CDH10: variants seen among roughly 807,000 people sequenced by gnomAD.
CDH10 encodes the protein cadherin 10, also known as cadherin-10.
A neutral mutation model predicts 73.1 loss-of-function variants in CDH10; 30 were observed. That is an observed-to-expected ratio of 0.41 (90% CI 0.31 to 0.56). The LOEUF is 0.56. Ranked by LOEUF, CDH10 falls within the 20% of genes least tolerant of loss-of-function variation. CDH10 has a pLI of 0.27. For synonymous variants in CDH10, 345 were observed against 348.2 expected, an observed-to-expected ratio of 0.99 and a Z score of 0.10; for missense variants, 815 against 973.7, an observed-to-expected ratio of 0.84 and a Z score of 2.17.
intron 1 of CDH10, among the ~76,000 whole-genome samples, chr5:24,596,031 T>C (rs1746358776): frequency 6.6e-6 from 1 of 152,080 alleles, no homozygotes; most frequent in Middle Eastern, 3.4e-3. Context: ...AATTAGAAAG[T>C]ATATAAAATA....
rs1312404201 is a variant in CDH10, at chr5:24,644,910, G to C, written c.-440C>G. On this transcript the variant is annotated 5_prime_UTR_variant, in exon 1 of 12. Transcript: ENST00000264463. The stretch of plus-strand genomic sequence containing the variant: ...GAAAGGTTCTGCTGATAGAGCTGCA[G>C]CACTCGCCATGGGAAGGTTAGAGAC... The C allele has an allele frequency of 6.6e-6, 1 of 152,026 alleles. No homozygotes were observed. Among genetic ancestry groups the C allele is most frequent in the East Asian group, 1.9e-4 (1 of 5,170 alleles). 9.4% of individuals were successfully genotyped at this position (152,026 alleles called of 1,614,324 possible).
chr5:24,595,627 A>G (rs4701246), intron 1 of CDH10, among the ~76,000 whole-genome samples: 143,669 of 151,944 alleles, frequency 0.95, 68,076 homozygotes, highest in East Asian at 1. Flanking sequence ...TGTGCCAGAC[A>G]GTATTCTCCA....
chr5:24,514,867 G>A (rs6452211), intron 5 of CDH10, among the ~76,000 whole-genome samples: 72,165 of 151,168 alleles, frequency 0.48, 17,240 homozygotes, highest in East Asian at 0.58. Flanking sequence ...ATATATGGAT[G>A]GTTAGATTGA....
chr5:24,491,035 T>C (rs1409575320), intron 11 of CDH10, among the ~76,000 whole-genome samples: 2 of 152,182 alleles, frequency 1.3e-5, no homozygotes, highest in Non-Finnish European at 1.5e-5. Flanking sequence ...TGGAGGATGT[T>C]TCAGAAGAAC....
At chr5:24,523,773 T>C (rs553580833) in intron 5 of CDH10, among the ~76,000 whole-genome samples, 13 of 152,296 alleles carry the variant, frequency 8.5e-5, no homozygotes, top group South Asian at 4.1e-4. Flanking sequence ...GTGTATTTCA[T>C]GTTTATGAGA....
At chr5:24,525,461 T>G (rs1345493780) in intron 5 of CDH10, among the ~76,000 whole-genome samples, 1 of 152,100 alleles carries the variant, frequency 6.6e-6, no homozygotes, top group African/African-American at 2.4e-5. Flanking sequence ...TTAAGAAAAA[T>G]GTCATAATTA....
intron 5 of CDH10, among the ~76,000 whole-genome samples, chr5:24,518,468 T>G (rs538269443): frequency 6.6e-6 from 1 of 152,114 alleles, no homozygotes; most frequent in Non-Finnish European, 1.5e-5. Context: ...TGCATATACA[T>G]AAATACACGT....
intron 2 of CDH10, among the ~76,000 whole-genome samples, chr5:24,539,228 C>T (rs1744068617): frequency 6.6e-6 from 1 of 151,850 alleles, no homozygotes; most frequent in South Asian, 2.1e-4. Context: ...AAATAAGTTT[C>T]ATTTTTGCTC....
chr5:24,539,877 A>C (rs911684277), intron 2 of CDH10, among the ~76,000 whole-genome samples: 2 of 152,094 alleles, frequency 1.3e-5, no homozygotes, highest in African/African-American at 4.8e-5. Context: ...GCAATTTTCC[A>C]AGTTACAGAT....
At chr5:24,582,352 G>A (rs1197903454) in intron 2 of CDH10, among the ~76,000 whole-genome samples, 1 of 152,116 alleles carries the variant, frequency 6.6e-6, no homozygotes. Flanking sequence ...CTATGATTAT[G>A]CTTAAATTTC....
At chr5:24,613,796 G>A (rs774333652) in intron 1 of CDH10, among the ~76,000 whole-genome samples, 3 of 151,932 alleles carry the variant, frequency 2.0e-5, no homozygotes, top group Non-Finnish European at 2.9e-5. Flanking sequence ...GGGCTTTTTC[G>A]AACTGGGTAT....
At chr5:24,516,997 A>T (rs1743133569) in intron 5 of CDH10, among the ~76,000 whole-genome samples, 1 of 152,106 alleles carries the variant, frequency 6.6e-6, no homozygotes, top group African/African-American at 2.4e-5. Flanking sequence ...TTGAATATAA[A>T]AATCTAAATA....
chr5:24,619,812 A>T (rs1218172731), intron 1 of CDH10, among the ~76,000 whole-genome samples: 1 of 152,172 alleles, frequency 6.6e-6, no homozygotes, highest in African/African-American at 2.4e-5. Context: ...AACTCCCACT[A>T]CTACGTGTGG....
At chr5:24,518,812 A>T (rs745773992) in intron 5 of CDH10, among the ~76,000 whole-genome samples, 10 of 151,802 alleles carry the variant, frequency 6.6e-5, no homozygotes, top group Non-Finnish European at 1.3e-4. Flanking sequence ...TACATCGGAG[A>T]AGGATTACAG....
chr5:24,550,567 T>C (rs1007987555), intron 2 of CDH10, among the ~76,000 whole-genome samples: 1 of 152,188 alleles, frequency 6.6e-6, no homozygotes, highest in African/African-American at 2.4e-5. Flanking sequence ...ATCTTCTCTA[T>C]CTTTTTCTCC....
chr5:24,595,414 G>A (rs997857444), intron 1 of CDH10, among the ~76,000 whole-genome samples: 12 of 151,910 alleles, frequency 7.9e-5, no homozygotes, highest in Non-Finnish European at 1.8e-4. Context: ...TTAAATGACA[G>A]TGGAGTCGTC....
At chr5:24,492,750 T>C (rs1742107890) in intron 10 of CDH10, 67 bp downstream of exon 10, 1 of 748,908 alleles carries the variant, frequency 1.3e-6, no homozygotes, top group African/African-American at 1.7e-5. Flanking sequence ...TATATTGCAA[T>C]GGTTACACTC....
In CDH10 at chr5:24,535,134, G is replaced by A. The variant is rs2111876272; in HGVS notation, c.792C>T (p.Asp264=). Residue 264 remains aspartate, a synonymous_variant, in exon 5 of 12, where the codon GAC becomes GAT. Transcript: ENST00000264463. ...TVNITLTDVN[D]NPPRFPQNTI... is the part of the protein sequence containing the mutation. ...TACTCTGGGGGAAACGTGGTGGGTTGTCATTGACATCTGTCAGCGTGATGT... is the reference window on the plus strand; with the variant it reads ...TACTCTGGGGGAAACGTGGTGGGTTATCATTGACATCTGTCAGCGTGATGT... 1 of 1,611,318 alleles carries A rather than the reference G, an allele frequency of 6.2e-7. No homozygotes were observed. The highest frequency in any genetic ancestry group is 1.1e-5 in the South Asian group (1 of 90,456).
At chr5:24,603,136 A>C (rs1372849344) in intron 1 of CDH10, among the ~76,000 whole-genome samples, 1 of 152,182 alleles carries the variant, frequency 6.6e-6, no homozygotes, top group African/African-American at 2.4e-5. Flanking sequence ...CAAGAGGAAC[A>C]AAGAACACAA....
Sources: gnomAD v4.1 joint callset for allele counts (sites outside exome capture counted in the v4.1 genomes callset) on GRCh38, gnomAD v4.1.1 for gene constraint, MANE v1.5 for transcripts, NCBI Gene and HGNC (gene_info 2026-07-23, HGNC 2026-07-21) for gene names.